RAD51B: variants seen among roughly 807,000 people sequenced by gnomAD.
RAD51B encodes the protein DNA repair protein RAD51 homolog 2.
In RAD51B, 38 loss-of-function variants were observed where a neutral mutation model predicts 42.2. The observed-to-expected ratio is 0.90, with a 90% CI of 0.70 to 1.18. The LOEUF (loss-of-function observed/expected upper bound fraction) is 1.18. RAD51B is among the 50% of genes most tolerant of loss of function. The pLI is 0.00. For missense variants in RAD51B, 373 were observed against 400.7 expected, an observed-to-expected ratio of 0.93 and a Z score of 0.59; for synonymous variants, 154 against 145.2, an observed-to-expected ratio of 1.06 and a Z score of -0.43.
chr14:67,880,414 C>T (rs908590921), intron 5 of RAD51B, among the ~76,000 whole-genome samples: 37 of 152,144 alleles, frequency 2.4e-4, no homozygotes, highest in Non-Finnish European at 5.1e-4. Context: ...CCCAATTGTA[C>T]AGATGTTTTT....
intron 7 of RAD51B, among the ~76,000 whole-genome samples, chr14:68,153,167 C>T (rs921666499): frequency 1.3e-5 from 2 of 152,022 alleles, no homozygotes; most frequent in South Asian, 2.1e-4. Flanking sequence ...TGCCACTTTA[C>T]GTATAGTATA....
chr14:68,650,431 C>T (rs1055797078), intron 10 of RAD51B, among the ~76,000 whole-genome samples: 3 of 152,198 alleles, frequency 2.0e-5, no homozygotes, highest in African/African-American at 7.2e-5. Flanking sequence ...GGTTTAATCA[C>T]AGTACCAGCC....
intron 11 of RAD51B, among the ~76,000 whole-genome samples, chr14:68,655,847 G>C (rs1024585310): frequency 1.3e-5 from 2 of 152,198 alleles, no homozygotes; most frequent in African/African-American, 4.8e-5. Flanking sequence ...GTTGCTAGTG[G>C]CTGGCTAAGG....
In RAD51B at chr14:68,554,647, T is replaced by C. The variant is rs79590766; in HGVS notation, c.1037-39838T>C. 2.6e-5 allele frequency among the ~76,000 whole-genome samples: 4 copies of C among 152,320 alleles called. No homozygotes were observed. The East Asian group carries it at 7.7e-4, about 29-fold the overall frequency. The stretch of plus-strand genomic sequence containing the variant: ...CTGCTCTTTATTTTCTTCCATAGCA[T>C]TTATCACCTTCTAATATACTAGTAT... On this transcript the variant is annotated intron_variant, in intron 10 of 10. Coordinates refer to the RAD51B transcript ENST00000487270.
chr14:68,093,932 C>G (rs970563159), intron 7 of RAD51B, among the ~76,000 whole-genome samples: 4 of 152,190 alleles, frequency 2.6e-5, no homozygotes, highest in Non-Finnish European at 4.4e-5. Context: ...CAGATTTCTT[C>G]CTGGAATGGC....
intron 11 of RAD51B, chr14:68,650,963 C>A: frequency 1.6e-6 from 1 of 610,502 alleles, no homozygotes; most frequent in South Asian, 1.9e-5. Context: ...AAAAGCATAG[C>A]AATATGAAGA....
chr14:68,301,331 C>A (rs2081729877), intron 8 of RAD51B, among the ~76,000 whole-genome samples: 1 of 152,122 alleles, frequency 6.6e-6, no homozygotes, highest in Admixed American at 6.5e-5. Context: ...CTGAGTAGGA[C>A]TCTAGGCCAG....
intron 7 of RAD51B, among the ~76,000 whole-genome samples, chr14:67,961,436 A>G (rs1279681931): frequency 1.3e-5 from 2 of 152,228 alleles, no homozygotes; most frequent in Non-Finnish European, 2.9e-5. Context: ...TCCACTGTGT[A>G]TCTGTGTCTC....
At chr14:68,541,458 G>C (rs1041906809) in intron 10 of RAD51B, 1 of 985,322 alleles carries the variant, frequency 1.0e-6, no homozygotes, top group Admixed American at 6.1e-5. Flanking sequence ...TGTCAGGAGG[G>C]GGAATGGCCC....
downstream of RAD51B, among the ~76,000 whole-genome samples, chr14:68,481,502 C>T (rs1471830106): frequency 2.0e-5 from 3 of 152,214 alleles, no homozygotes; most frequent in Non-Finnish European, 2.9e-5. Context: ...CAGGCCTTCA[C>T]CACAAACCAT....
intron 7 of RAD51B, among the ~76,000 whole-genome samples, chr14:68,072,269 G>T (rs2076765061): frequency 2.1e-5 from 3 of 145,058 alleles, no homozygotes; most frequent in South Asian, 4.3e-4. Flanking sequence ...TGTATATATA[G>T]GAGTTTATTA....
At chr14:68,053,846 T>G (rs2076432271) in intron 7 of RAD51B, among the ~76,000 whole-genome samples, 2 of 152,206 alleles carry the variant, frequency 1.3e-5, no homozygotes, top group South Asian at 4.1e-4. Context: ...CTCACAAATA[T>G]CCTGATATAA....
intron 9 of RAD51B, among the ~76,000 whole-genome samples, chr14:68,449,106 T>C (rs1268288075): frequency 6.6e-6 from 1 of 152,234 alleles, no homozygotes; most frequent in Non-Finnish European, 1.5e-5. Context: ...ATTCATGGTA[T>C]GGATATACAG....
chr14:67,894,261 C>T (rs2043331527), intron 7 of RAD51B, among the ~76,000 whole-genome samples: 1 of 152,174 alleles, frequency 6.6e-6, no homozygotes, highest in Non-Finnish European at 1.5e-5. Context: ...TCTCTTTCCT[C>T]CTAAAATATT....
intron 7 of RAD51B, among the ~76,000 whole-genome samples, chr14:68,245,500 A>G (rs984802883): frequency 2.0e-5 from 3 of 152,230 alleles, no homozygotes; most frequent in African/African-American, 7.2e-5. Context: ...CTTCCCAAGA[A>G]CAGAGAGGCC....
intron 11 of RAD51B, among the ~76,000 whole-genome samples, chr14:68,670,247 C>T (rs1158489849): frequency 1.3e-5 from 2 of 152,142 alleles, no homozygotes; most frequent in East Asian, 3.8e-4. Flanking sequence ...GGAGCTGGGG[C>T]TCTTCCAAAA....
intron 8 of RAD51B, among the ~76,000 whole-genome samples, chr14:68,387,392 T>C (rs2083618980): frequency 6.6e-6 from 1 of 152,230 alleles, no homozygotes; most frequent in Non-Finnish European, 1.5e-5. Flanking sequence ...ACAAATCGAT[T>C]GCACAACCTA....
intron 7 of RAD51B, among the ~76,000 whole-genome samples, chr14:67,918,606 A>C (rs1225898906): frequency 6.6e-6 from 1 of 152,212 alleles, no homozygotes; most frequent in African/African-American, 2.4e-5. Flanking sequence ...TTCTAAATTG[A>C]AAGTGCTCAG....
At chr14:68,656,883 C>T (rs923814074) in intron 11 of RAD51B, among the ~76,000 whole-genome samples, 3 of 152,220 alleles carry the variant, frequency 2.0e-5, no homozygotes, top group African/African-American at 7.2e-5. Flanking sequence ...TCAAGAACTA[C>T]CACCCTCTCT....
Sources: gnomAD v4.1 joint callset for allele counts (sites outside exome capture counted in the v4.1 genomes callset) on GRCh38, gnomAD v4.1.1 for gene constraint, MANE v1.5 for transcripts, NCBI Gene and HGNC (gene_info 2026-07-23, HGNC 2026-07-21) for gene names.